The following PRKN variants were observed in gnomAD, a reference collection of about 807,000 sequenced individuals.
PRKN encodes the protein parkin RBR E3 ubiquitin protein ligase.
In PRKN, 56 loss-of-function variants were observed where a neutral mutation model predicts 59.5. That is an observed-to-expected ratio of 0.94 (90% confidence interval 0.76 to 1.18). The LOEUF is 1.18. PRKN is among the 50% of genes most tolerant of loss of function. PRKN has a pLI of 0.00. For missense variants in PRKN, 657 were observed against 596.4 expected (o/e 1.10, Z -1.06); for synonymous variants, 250 against 222.1 (o/e 1.13, Z -1.12).
At chr6:161,935,962 C>T (rs1224545490) in intron 6 of PRKN, among the ~76,000 whole-genome samples, 1 of 152,188 alleles carries the variant, frequency 6.6e-6, no homozygotes, top group Admixed American at 6.5e-5. Flanking sequence ...GTTGAGCAAG[C>T]TTTCCTCTTG....
At chr6:162,335,350 G>A (rs557754732) in intron 2 of PRKN, among the ~76,000 whole-genome samples, 1 of 152,136 alleles carries the variant, frequency 6.6e-6, no homozygotes, top group South Asian at 2.1e-4. Context: ...CCTGTAGGTT[G>A]GTTTTGAGAC....
intron 4 of PRKN, among the ~76,000 whole-genome samples, chr6:162,094,010 C>G (rs765168728): frequency 6.6e-6 from 1 of 152,072 alleles, no homozygotes; most frequent in South Asian, 2.1e-4. Context: ...GAATGCAAAA[C>G]GGGACAAAGA....
chr6:161,632,830 C>T (rs187484004), intron 7 of PRKN, among the ~76,000 whole-genome samples: 5 of 152,094 alleles, frequency 3.3e-5, no homozygotes, highest in Admixed American at 2.0e-4. Flanking sequence ...AACCAAATCT[C>T]GTGAGAACTC....
intron 2 of PRKN, among the ~76,000 whole-genome samples, chr6:162,327,822 A>G (rs1010778351): frequency 4.6e-5 from 7 of 152,158 alleles, no homozygotes; most frequent in African/African-American, 1.7e-4. Context: ...CATGGTCTCC[A>G]AGGTCTTATC....
chr6:162,628,025 G>T (rs1782964488), intron 1 of PRKN, among the ~76,000 whole-genome samples: 1 of 152,136 alleles, frequency 6.6e-6, no homozygotes, highest in Non-Finnish European at 1.5e-5. Context: ...ACAATGTCAT[G>T]AGGTCGACAG....
chr6:161,403,831 C>T (rs894398926), intron 9 of PRKN, among the ~76,000 whole-genome samples: 1 of 152,138 alleles, frequency 6.6e-6, no homozygotes, highest in Non-Finnish European at 1.5e-5. Flanking sequence ...GAGTGGGTTA[C>T]TGTGGGAGGA....
intron 4 of PRKN, among the ~76,000 whole-genome samples, chr6:162,200,298 C>T (rs749275624): frequency 2.6e-5 from 4 of 152,094 alleles, no homozygotes; most frequent in African/African-American, 4.8e-5. Flanking sequence ...CGAGCCGGAA[C>T]CTGACACTTT....
chr6:161,764,784 T>C (rs2128199917), intron 7 of PRKN, among the ~76,000 whole-genome samples: 1 of 152,332 alleles, frequency 6.6e-6, no homozygotes, highest in Admixed American at 6.5e-5. Context: ...TCAAAGTACT[T>C]GGTATTAAAT....
chr6:161,898,999 A>G (rs1777774441), intron 6 of PRKN, among the ~76,000 whole-genome samples: 1 of 152,214 alleles, frequency 6.6e-6, no homozygotes, highest in Non-Finnish European at 1.5e-5. Context: ...AGGGCAGGGA[A>G]TCCAAGGGCT....
intron 7 of PRKN, among the ~76,000 whole-genome samples, chr6:161,571,543 G>C (rs2115486375): frequency 6.6e-6 from 1 of 152,304 alleles, no homozygotes; most frequent in Non-Finnish European, 1.5e-5. Flanking sequence ...GTTTCAGAGA[G>C]TAGGATTTAA....
chr6:162,214,369 T>A (rs2128076384), intron 3 of PRKN, among the ~76,000 whole-genome samples: 1 of 152,322 alleles, frequency 6.6e-6, no homozygotes, highest in Admixed American at 6.5e-5. Flanking sequence ...CTGCCTCCTC[T>A]CCTTTCTTCA....
In PRKN at chr6:161,503,234, G is replaced by A. The variant is rs1380310485; in HGVS notation, c.1083+45620C>T. Among the ~76,000 whole-genome samples the A allele has an allele frequency of 6.6e-6, 1 of 152,086 alleles. No individual in the cohort carries two copies. Among genetic ancestry groups the A allele is most frequent in the East Asian group, 1.9e-4 (1 of 5,178 alleles). ...ATTGACTAAAAGGAGGGTAGAACGG[G>A]AGGGGGCTGCTGCTGTACCGTAGAG... is the stretch of plus-strand genomic sequence containing the variant. On this transcript the variant is annotated intron_variant, in intron 9 of 11. Coordinates refer to ENST00000366898, the MANE Select transcript of PRKN (RefSeq NM_004562.3). This position sits in a 1 kb window ranked among gnomAD's most constrained non-coding sequence, Gnocchi z 5.1.
chr6:161,622,596 C>T (rs952233029), intron 7 of PRKN, among the ~76,000 whole-genome samples: 9 of 152,192 alleles, frequency 5.9e-5, no homozygotes, highest in African/African-American at 2.2e-4. Flanking sequence ...ACCCCACAGT[C>T]CATGTGAGCC....
chr6:161,639,569 C>A (rs578243726), intron 7 of PRKN, among the ~76,000 whole-genome samples: 18 of 152,280 alleles, frequency 1.2e-4, no homozygotes, highest in African/African-American at 3.8e-4. Context: ...TGTTTGCCTG[C>A]ACTGTACGCT....
chr6:161,925,644 C>G (rs1293599589), intron 6 of PRKN, among the ~76,000 whole-genome samples: 2 of 152,108 alleles, frequency 1.3e-5, no homozygotes, highest in Non-Finnish European at 2.9e-5. Flanking sequence ...CCATTTTATA[C>G]TTCATTAGTG....
intron 2 of PRKN, among the ~76,000 whole-genome samples, chr6:162,419,977 C>A (rs947652714): frequency 6.6e-6 from 1 of 152,062 alleles, no homozygotes; most frequent in African/African-American, 2.4e-5. Flanking sequence ...GGACTGGTTT[C>A]GTGGGAGACA....
At chr6:161,587,445 CAG>C (rs1251312745) in intron 7 of PRKN, among the ~76,000 whole-genome samples, 1 of 152,134 alleles carries the variant, frequency 6.6e-6, no homozygotes, top group Non-Finnish European at 1.5e-5. Context: ...GTCTGTGTAA[CAG>C]AGATCTTTTC....
intron 1 of PRKN, among the ~76,000 whole-genome samples, chr6:162,705,337 T>C (rs1436514969): frequency 6.6e-6 from 1 of 152,176 alleles, no homozygotes. Flanking sequence ...CACAATGCCA[T>C]AGATGTAAAT....
rs144304418 is a variant in PRKN, at chr6:162,408,713, T to C, written c.171+34597A>G. Among the ~76,000 whole-genome samples, 801 of 152,256 alleles carry C rather than the reference T, an allele frequency of 5.3e-3. 8 individuals carry two copies. Among genetic ancestry groups the C allele is most frequent in the African/African-American group, 0.018 (736 of 41,552 alleles). ...TGGAAAGTTTCTTTTTTGGTAAAGA[T>C]CCCATAGATTACTATTTACATTTTA... On this transcript the variant is annotated intron_variant, in intron 2 of 11. Coordinates refer to ENST00000366898, the MANE Select transcript of PRKN (RefSeq NM_004562.3).
Sources: gnomAD v4.1 joint callset for allele counts (sites outside exome capture counted in the v4.1 genomes callset) on GRCh38, gnomAD v4.1.1 for gene constraint, Gnocchi (gnomAD v3.1) non-coding constraint, MANE v1.5 for transcripts, NCBI Gene and HGNC (gene_info 2026-07-23, HGNC 2026-07-21) for gene names.